Variants in TNPO2 observed in about 807,000 individuals in gnomAD.
TNPO2 encodes transportin-2.
TNPO2 carries 16 observed loss-of-function variants against 111.1 expected under a neutral mutation model. That is an observed-to-expected ratio of 0.14 (90% CI 0.10 to 0.22). The LOEUF (loss-of-function observed/expected upper bound fraction) is 0.22, where lower values mean the gene tolerates loss of function less well. Ranked by LOEUF, TNPO2 falls within the 10% of genes least tolerant of loss-of-function variation. TNPO2 has a pLI of 1.00. For synonymous variants in TNPO2, 481 were observed against 475.8 expected (o/e 1.01, Z -0.14); for missense variants, 530 against 1,173.7 (o/e 0.45, Z 8.01).
In TNPO2 at chr19:12,706,706, T is replaced by A; in HGVS notation, c.1360A>T (p.Ile454Phe). The A allele has an allele frequency of 6.2e-7, 1 of 1,613,882 alleles. No homozygotes were observed. The highest frequency in any genetic ancestry group is 8.5e-7 in the Non-Finnish European group (1 of 1,179,862). Residue 454 changes from isoleucine to phenylalanine, a missense_variant, in exon 14 of 26, where the codon ATC becomes TTC. Physicochemically the swap from Ile to Phe is conservative, Grantham distance 21 (BLOSUM62 0). Transcript: ENST00000425528. This position sits in a 1 kb window ranked among gnomAD's most constrained non-coding sequence, Gnocchi z 7.0. ...LSDKKALVRS[I>F]ACWTLSRYAH... ...TAGCGGCTCAGCGTCCAGCAGGCGA[T>A]GGAGCGGACCAAGGCCTTCTTATCC...
In TNPO2 at chr19:12,706,397, C is replaced by T. The variant is rs2025666408; in HGVS notation, c.1497-30G>A. ...TGGGAGGGAGGATGAAGCGGGGGCTCAGTGGACCATGGCAGGTGACACTGG... is the reference window on the plus strand; with the variant it reads ...TGGGAGGGAGGATGAAGCGGGGGCTTAGTGGACCATGGCAGGTGACACTGG... On this transcript the variant is annotated intron_variant, in intron 14 of 25. Transcript: ENST00000425528. This position sits in a 1 kb window ranked among gnomAD's most constrained non-coding sequence, Gnocchi z 7.0. 1.9e-6 allele frequency: 3 copies of T among 1,613,746 alleles called. No homozygotes were observed. The highest frequency in any genetic ancestry group is 1.6e-4 in the Middle Eastern group (1 of 6,062).
chr19:12,704,272 G>A (rs1033745025), intron 18 of TNPO2, among the ~76,000 whole-genome samples: 3 of 152,092 alleles, frequency 2.0e-5, no homozygotes, highest in African/African-American at 7.2e-5. Context: ...GAGAGGCTAA[G>A]GCAGGAGAAC....
intron 5 of TNPO2, among the ~76,000 whole-genome samples, chr19:12,718,785 C>A (rs2026506903): frequency 6.6e-6 from 1 of 152,214 alleles, no homozygotes; most frequent in Non-Finnish European, 1.5e-5. Flanking sequence ...CCAAGAAGGA[C>A]TGTTTCAGGA....
chr19:12,706,838 C>A lies in TNPO2; in HGVS notation c.1271-43G>T. ...CAAGAGGGGGCAGTTTGATTGGGCC[C>A]AGCCACACCCACCGTATGGAGAGAA... On this transcript the variant is annotated intron_variant, in intron 13 of 25. Transcript: ENST00000425528. This position sits in a 1 kb window ranked among gnomAD's most constrained non-coding sequence, Gnocchi z 7.0. 6.0e-6 allele frequency: 9 copies of A among 1,492,680 alleles called. No homozygotes were observed. The highest frequency in any genetic ancestry group is 8.2e-6 in the Non-Finnish European group (9 of 1,091,840). The allele number at this position is 1,492,680 out of a possible 1,614,324, so 92.5% of individuals were successfully genotyped here. A position where few individuals can be genotyped will look rare whatever the true frequency, so the allele number is the denominator to read the frequency against.
chr19:12,721,761 A>T lies in TNPO2; in HGVS notation c.-13-771T>A, dbSNP rs1966971678. 1 of 158,378 alleles carries T rather than the reference A, an allele frequency of 6.3e-6. No individual in the cohort carries two copies. Among genetic ancestry groups the T allele is most frequent in the Non-Finnish European group, 1.4e-5 (1 of 71,730 alleles). The allele number at this position is 158,378 out of a possible 1,614,324, so 9.8% of individuals were successfully genotyped here. ...TGGACCGATCCCAGTCGCCTTCCCC[A>T]ATCAGGTCTGGCCAAGCCTCTCCCT... is the stretch of plus-strand genomic sequence containing the variant. On this transcript the variant is annotated intron_variant, in intron 2 of 25. Transcript: ENST00000425528. This position sits in a 1 kb window ranked among gnomAD's most constrained non-coding sequence, Gnocchi z 4.9.
intron 13 of TNPO2, among the ~76,000 whole-genome samples, chr19:12,709,504 G>A (rs1568334759): frequency 6.6e-6 from 1 of 151,390 alleles, no homozygotes; most frequent in South Asian, 2.1e-4. Flanking sequence ...ATTTTTTTTT[G>A]AGACAGGGTC....
At chr19:12,718,493 A>G (rs2026490329) in intron 5 of TNPO2, among the ~76,000 whole-genome samples, 1 of 151,818 alleles carries the variant, frequency 6.6e-6, no homozygotes, top group African/African-American at 2.4e-5. Context: ...TTAAGTAGAG[A>G]CGGGGTTTCA....
intron 13 of TNPO2, among the ~76,000 whole-genome samples, chr19:12,707,041 C>T (rs1353353679): frequency 4.6e-5 from 7 of 152,196 alleles, no homozygotes. Context: ...CTCTGTCGCC[C>T]AGGCTGGGGC....
At position 12,720,930 on chromosome 19, in the gene TNPO2, C is replaced by T; in HGVS notation, c.48G>A (p.Leu16=). ...DEQGLQQVLQ[L]LKDSQSPNTA... ...TGTTGGGCGACTGTGAGTCTTTGAG[C>T]AGCTGCAGGACCTGCTGCAGGCCCT... Residue 16 remains leucine, a synonymous_variant, in exon 3 of 26, where the codon CTG becomes CTA. Transcript: ENST00000425528. The T allele has an allele frequency of 1.2e-6, 2 of 1,603,926 alleles. No homozygotes were observed. Among genetic ancestry groups the T allele is most frequent in the Non-Finnish European group, 1.7e-6 (2 of 1,176,270 alleles).
intron 5 of TNPO2, among the ~76,000 whole-genome samples, chr19:12,718,653 G>A (rs1429522486): frequency 6.6e-6 from 1 of 152,184 alleles, no homozygotes; most frequent in Non-Finnish European, 1.5e-5. Flanking sequence ...AAAAGGCTCT[G>A]CTGAAAACCT....
chr19:12,722,517 T>C (rs1399021105), intron 2 of TNPO2: 1 of 138,870 alleles, frequency 7.2e-6, no homozygotes, highest in Non-Finnish European at 1.5e-5. Flanking sequence ...CGCTGCGGCT[T>C]CTCCAGAGAC....
intron 13 of TNPO2, among the ~76,000 whole-genome samples, chr19:12,707,830 TA>T (rs1199824937): frequency 1.3e-5 from 2 of 151,754 alleles, no homozygotes; most frequent in Non-Finnish European, 2.9e-5. Flanking sequence ...TTATTATTAT[TA>T]TTTTTTTGAG....
rs768757570 is a variant in TNPO2, at chr19:12,719,346, T to C, written c.100-10A>G. On this transcript the variant is annotated splice_polypyrimidine_tract_variant and intron_variant, in intron 3 of 25. Transcript: ENST00000425528. This position sits in a 1 kb window ranked among gnomAD's most constrained non-coding sequence, Gnocchi z 5.0. ...TGAGTTGTTTGAGTTTCTGCCAGGC[T>C]GTTAAGGGACTTGGAAGACAGAGGC... 1 of 1,613,638 alleles carries C rather than the reference T, an allele frequency of 6.2e-7. No homozygotes were observed. The highest frequency in any genetic ancestry group is 2.2e-5 in the East Asian group (1 of 44,870).
intron 10 of TNPO2, among the ~76,000 whole-genome samples, chr19:12,714,254 C>T (rs577254691): frequency 6.6e-6 from 1 of 152,006 alleles, no homozygotes; most frequent in Admixed American, 6.6e-5. Context: ...AGATGCCTTT[C>T]ACATCCTTTG....
In TNPO2 at chr19:12,701,054, A is replaced by C; in HGVS notation, c.*210T>G. On this transcript the variant is annotated 3_prime_UTR_variant, in exon 26 of 26. Coordinates refer to ENST00000425528, the MANE Select transcript of TNPO2 (RefSeq NM_001382241.1). This position sits in a 1 kb window ranked among gnomAD's most constrained non-coding sequence, Gnocchi z 5.0. ...TCCCCCCCACCTCCCCGTTTGTAGG[A>C]TGAGCATGGTGGCCCCACCCACCTG... 14 of 330,944 alleles carry C rather than the reference A, an allele frequency of 4.2e-5. No homozygotes were observed. The highest frequency in any genetic ancestry group is 1.1e-4 in the East Asian group (2 of 17,500). 20.5% of individuals were successfully genotyped at this position (330,944 alleles called of 1,614,324 possible).
intron 13 of TNPO2, among the ~76,000 whole-genome samples, chr19:12,708,883 A>T (rs1391090591): frequency 6.6e-6 from 1 of 152,044 alleles, no homozygotes; most frequent in South Asian, 2.1e-4. Context: ...AAAAAAAAGA[A>T]ATTAGCCAGG....
intron 5 of TNPO2, among the ~76,000 whole-genome samples, chr19:12,717,136 T>A (rs1221865363): frequency 1.4e-5 from 2 of 144,566 alleles, no homozygotes; most frequent in African/African-American, 2.9e-5. Context: ...CTGCAATGGG[T>A]AGGTACACAG....
rs200434050 is a variant in TNPO2, at chr19:12,719,107, G to T, written c.247C>A (p.Pro83Thr). 2 of 1,614,040 alleles carry T rather than the reference G, an allele frequency of 1.2e-6. No individual in the cohort carries two copies. The highest frequency in any genetic ancestry group is 2.2e-5 in the East Asian group (1 of 44,884). ...NVKAHYQSFP[P>T]PVADFIKQEC... ...TGTTTGATGAAGTCTGCCACAGGGG[G>T]TGGGAAGCTCTGATAGTGTGCCTTC... Residue 83 changes from proline (P) to threonine (T), a missense_variant, in exon 5 of 26, where the codon CCC becomes ACC. By Grantham distance (38) the Pro-to-Thr change is conservative. Around this residue, in one of 4 missense-constraint regions of TNPO2, gnomAD observed 156 missense variants for 405.8 expected, o/e 0.38. Transcript: ENST00000425528. This position sits in a 1 kb window ranked among gnomAD's most constrained non-coding sequence, Gnocchi z 5.0.
At chr19:12,708,642 G>A (rs570281517) in intron 13 of TNPO2, among the ~76,000 whole-genome samples, 11 of 151,752 alleles carry the variant, frequency 7.2e-5, no homozygotes, top group African/African-American at 2.7e-4. Flanking sequence ...TGAGGCAGAT[G>A]GATCACCTGA....
Sources: gnomAD v4.1 joint callset for allele counts (sites outside exome capture counted in the v4.1 genomes callset) on GRCh38, gnomAD v4.1.1 for gene constraint, gnomAD v4.1.1 regional missense constraint, Gnocchi (gnomAD v3.1) non-coding constraint, MANE v1.5 for transcripts, NCBI Gene and HGNC (gene_info 2026-07-23, HGNC 2026-07-21) for gene names.